The following CBL variants were observed in gnomAD, a reference collection of about 807,000 sequenced individuals.
CBL encodes Cbl proto-oncogene, also known as E3 ubiquitin-protein ligase CBL.
In CBL, 45 loss-of-function variants were observed where a neutral mutation model predicts 96.9. That is an observed-to-expected ratio of 0.46 (90% CI 0.37 to 0.60). The LOEUF (loss-of-function observed/expected upper bound fraction) is 0.60, where lower values mean the gene tolerates loss of function less well. CBL is among the 20% of genes least tolerant of loss of function. The pLI, the probability that CBL is intolerant of heterozygous loss-of-function variation, is 0.00. For missense variants in CBL, 1,024 were observed against 1,143.5 expected, an observed-to-expected ratio of 0.90 and a Z score of 1.51; for synonymous variants, 420 against 426.8, an observed-to-expected ratio of 0.98 and a Z score of 0.20.
intron 9 of CBL, among the ~76,000 whole-genome samples, chr11:119,282,061 G>T (rs1321381444): frequency 6.6e-6 from 1 of 152,080 alleles, no homozygotes; most frequent in Non-Finnish European, 1.5e-5. Flanking sequence ...ATTGCGGCCG[G>T]GTGCGGTGGC....
At position 119,274,975 on chromosome 11, in the gene CBL, G is replaced by C. The variant is rs373395283; in HGVS notation, c.869+22G>C. 51 of 1,606,696 alleles carry C rather than the reference G, an allele frequency of 3.2e-5. No individual in the cohort carries two copies. In the African/African-American group the frequency reaches 6.4e-4, roughly 20 times the overall value. ...GCAGGTCAGTTCAATGACGCAAAGA[G>C]ATTTATTCTTCTGAATTTCGTTATC... is the stretch of plus-strand genomic sequence containing the variant. On this transcript the variant is annotated intron_variant, in intron 5 of 15. Transcript: ENST00000264033.
chr11:119,213,543 G>T (rs1949334831), intron 1 of CBL, among the ~76,000 whole-genome samples: 1 of 152,126 alleles, frequency 6.6e-6, no homozygotes, highest in African/African-American at 2.4e-5. Flanking sequence ...CCTGTAACCT[G>T]CTTGTCTCCT....
At chr11:119,266,048 G>GA (rs1179832468) in intron 2 of CBL, among the ~76,000 whole-genome samples, 16 of 140,280 alleles carry the variant, frequency 1.1e-4, no homozygotes, top group Non-Finnish European at 1.9e-4. Flanking sequence ...AAGAAAGAAA[G>GA]AAAAATTAGC....
chr11:119,218,695 A>AT (rs1264146446), intron 1 of CBL, among the ~76,000 whole-genome samples: 7 of 152,282 alleles, frequency 4.6e-5, no homozygotes, highest in African/African-American at 1.7e-4. Context: ...AGTCATCTTG[A>AT]TTCTTAGATC....
intron 15 of CBL, 81 bp from the exon 16 acceptor site, chr11:119,299,414 T>A: frequency 7.7e-7 from 1 of 1,300,486 alleles, no homozygotes; most frequent in Non-Finnish European, 1.1e-6. Context: ...AGTAATATCT[T>A]GATATTAGCA....
intron 9 of CBL, among the ~76,000 whole-genome samples, chr11:119,283,451 T>A (rs1003974764): frequency 1.3e-5 from 2 of 151,998 alleles, no homozygotes; most frequent in Admixed American, 6.6e-5. Flanking sequence ...ATTTTTTTTT[T>A]AATGAATTAC....
chr11:119,274,739 TGA>T (rs1381434830), intron 4 of CBL, 91 bp from the exon 5 acceptor site: 1 of 1,188,734 alleles, frequency 8.4e-7, no homozygotes, highest in African/African-American at 1.5e-5. Flanking sequence ...GACAATGAAC[TGA>T]GAGTTGGTGT....
chr11:119,254,440 C>T (rs1341059464), intron 2 of CBL, among the ~76,000 whole-genome samples: 1 of 152,154 alleles, frequency 6.6e-6, no homozygotes, highest in African/African-American at 2.4e-5. Context: ...CAGCCGCCCA[C>T]ACACCTAGGC....
chr11:119,238,079 T>C (rs1949558562), intron 2 of CBL, among the ~76,000 whole-genome samples: 1 of 150,174 alleles, frequency 6.7e-6, no homozygotes, highest in East Asian at 2.0e-4. Flanking sequence ...ACCATGTTGG[T>C]CAGGCTGGTC....
At chr11:119,261,161 G>T (rs1049131536) in intron 2 of CBL, among the ~76,000 whole-genome samples, 1 of 151,914 alleles carries the variant, frequency 6.6e-6, no homozygotes. Flanking sequence ...TGAGCCGTCT[G>T]CCTTGGCCTC....
At chr11:119,212,580 C>T (rs1474979917) in intron 1 of CBL, among the ~76,000 whole-genome samples, 2 of 151,854 alleles carry the variant, frequency 1.3e-5, no homozygotes, top group African/African-American at 2.4e-5. Flanking sequence ...GAGCCGAGAT[C>T]GCACCATTGC....
At chr11:119,263,531 A>G (rs1256256943) in intron 2 of CBL, among the ~76,000 whole-genome samples, 1 of 152,234 alleles carries the variant, frequency 6.6e-6, no homozygotes, top group East Asian at 1.9e-4. Flanking sequence ...TGGGAATTTC[A>G]AAAGCAGGAC....
At chr11:119,269,871 C>T in intron 2 of CBL, among the ~76,000 whole-genome samples, 1 of 152,072 alleles carries the variant, frequency 6.6e-6, no homozygotes, top group Non-Finnish European at 1.5e-5. Flanking sequence ...GTGGCGGGCG[C>T]CTGTAGTCCC....
intron 12 of CBL, among the ~76,000 whole-genome samples, chr11:119,292,726 C>G (rs753861990): frequency 3.3e-4 from 50 of 152,106 alleles, no homozygotes; most frequent in Non-Finnish European, 5.6e-4. Flanking sequence ...GGCCTATTTT[C>G]TTTGATTTTT....
intron 2 of CBL, among the ~76,000 whole-genome samples, chr11:119,269,233 G>T (rs1046952766): frequency 6.8e-5 from 10 of 146,142 alleles, no homozygotes; most frequent in Admixed American, 6.8e-4. Flanking sequence ...GGACTTTAAA[G>T]ATTGGATAAG....
intron 2 of CBL, among the ~76,000 whole-genome samples, chr11:119,253,416 G>C (rs1251981749): frequency 7.4e-6 from 1 of 134,300 alleles, no homozygotes; most frequent in Non-Finnish European, 1.6e-5. Context: ...CCAGGAGTTC[G>C]ATCCAGCCTG....
chr11:119,284,964 C>A lies in CBL; in HGVS notation c.1432-5C>A. ...GTAATCTGTTAAATTTTTTATGTAC[C>A]CTAGGTGGAACGGCCGCCTTCTCCA... On this transcript the variant is annotated splice_polypyrimidine_tract_variant and splice_region_variant and intron_variant, in intron 9 of 15. Coordinates refer to ENST00000264033, the MANE Select transcript of CBL (RefSeq NM_005188.4). 1 of 1,613,984 alleles carries A rather than the reference C, an allele frequency of 6.2e-7. No homozygotes were observed. The highest frequency in any genetic ancestry group is 2.2e-5 in the East Asian group (1 of 44,888).
chr11:119,276,914 C>G (rs1398065372), intron 6 of CBL, among the ~76,000 whole-genome samples: 1 of 152,090 alleles, frequency 6.6e-6, no homozygotes, highest in Non-Finnish European at 1.5e-5. Context: ...TTTCTTAAAC[C>G]TGTAAACCTT....
At chr11:119,222,345 T>TCC (rs1949418453) in intron 1 of CBL, among the ~76,000 whole-genome samples, 2 of 152,338 alleles carry the variant, frequency 1.3e-5, no homozygotes, top group East Asian at 3.9e-4. Flanking sequence ...GTTTTATTCC[T>TCC]CTTTATTGTG....
Sources: gnomAD v4.1 joint callset for allele counts (sites outside exome capture counted in the v4.1 genomes callset) on GRCh38, gnomAD v4.1.1 for gene constraint, MANE v1.5 for transcripts, NCBI Gene and HGNC (gene_info 2026-07-23, HGNC 2026-07-21) for gene names.